The following CNGB1 variants were observed in gnomAD, a reference collection of about 807,000 sequenced individuals.
CNGB1 encodes cyclic nucleotide-gated channel beta-1.
Under a neutral mutation model 151.7 loss-of-function variants are expected in CNGB1, and 126 were observed. The observed-to-expected ratio is 0.83, with a 90% CI of 0.72 to 0.96. The LOEUF (loss-of-function observed/expected upper bound fraction) is 0.96, where lower values mean the gene tolerates loss of function less well. CNGB1 is among the 40% of genes least tolerant of loss of function. The probability of loss-of-function intolerance (pLI) is 0.00; values close to 1 mark genes in which losing one functional copy is unlikely to be tolerated. For missense variants in CNGB1, 1,698 were observed against 1,627.0 expected (o/e 1.04, Z -0.75); for synonymous variants, 623 against 635.1 (o/e 0.98, Z 0.29).
chr16:57,917,162 A>T, intron 21 of CNGB1, 106 bp downstream of exon 21: 1 of 923,822 alleles, frequency 1.1e-6, no homozygotes, highest in Non-Finnish European at 1.7e-6. Flanking sequence ...AGATTTCCTT[A>T]TTCACTTATT....
At chr16:57,908,363 A>G (rs1431646078) in intron 25 of CNGB1, among the ~76,000 whole-genome samples, 1 of 152,214 alleles carries the variant, frequency 6.6e-6, no homozygotes, top group Non-Finnish European at 1.5e-5. Flanking sequence ...ACCTGTTCCC[A>G]CTGGGAGCAA....
Position 57,923,229 on chromosome 16 carries a change from T to TC in CNGB1, c.1643+43dup, listed in dbSNP as rs3214568. On this transcript the variant is annotated intron_variant, in intron 18 of 32. Transcript: ENST00000251102. ...ACTAGCCCCCCCACATCCCCCACCC[T>TC]CCCCGCAGTCTTTCAATTTTCTGAG... The TC allele has an allele frequency of 8.0e-3, 7,924 of 995,204 alleles. 167 individuals are homozygous for TC. The highest frequency in any genetic ancestry group is 0.052 in the East Asian group (1,629 of 31,096). The allele number at this position is 995,204 out of a possible 1,614,324, so 61.6% of individuals were successfully genotyped here.
intron 30 of CNGB1, 61 bp downstream of exon 30, chr16:57,897,735 T>C: frequency 6.3e-7 from 1 of 1,578,056 alleles, no homozygotes; most frequent in Non-Finnish European, 8.7e-7. Flanking sequence ...CACTGCCCGC[T>C]GGCCGCCTTC....
At chr16:57,892,072 C>CAAAA (rs34104252) in intron 31 of CNGB1, among the ~76,000 whole-genome samples, 5 of 96,304 alleles carry the variant, frequency 5.2e-5, no homozygotes, top group Admixed American at 1.1e-4. Context: ...CACAAAAATG[C>CAAAA]AAAAAAAAAA....
chr16:57,913,129 G>T, intron 23 of CNGB1, 135 bp from the exon 24 acceptor site: 1 of 757,616 alleles, frequency 1.3e-6, no homozygotes. Context: ...TTCAATATCA[G>T]AAGTCCTCAG....
At chr16:57,906,184 G>A (rs76795140) in intron 25 of CNGB1, among the ~76,000 whole-genome samples, 3,202 of 152,296 alleles carry the variant, frequency 0.021, 120 homozygotes, top group African/African-American at 0.073. Context: ...CCTTCTGGCT[G>A]CATAACTTGG....
chr16:57,885,580 T>TCTCTCTCTCTCTCTCTCTCTC (rs746385217), intron 32 of CNGB1, among the ~76,000 whole-genome samples: 42 of 56,958 alleles, frequency 7.4e-4, no homozygotes, highest in South Asian at 4.2e-3. Flanking sequence ...CTCTCTCTCT[T>TCTCTCTCTCTCTCTCTCTCTC]TCTTTCTTTC....
At chr16:57,939,362 G>C in intron 16 of CNGB1, 68 bp downstream of exon 16, 1 of 1,607,916 alleles carries the variant, frequency 6.2e-7, no homozygotes, top group Non-Finnish European at 8.5e-7. Context: ...CCTGCACGAA[G>C]GCTGCCTCCA....
At chr16:57,913,670 A>G (rs1444461643) in intron 23 of CNGB1, among the ~76,000 whole-genome samples, 3 of 152,124 alleles carry the variant, frequency 2.0e-5, no homozygotes, top group African/African-American at 2.4e-5. Context: ...TTGTAGAGAC[A>G]GAGTCTCACT....
At position 57,920,405 on chromosome 16, in the gene CNGB1, C is replaced by T. The variant is rs758389935; in HGVS notation, c.1783G>A (p.Glu595Lys). 3 of 1,614,208 alleles carry T rather than the reference C, an allele frequency of 1.9e-6. No individual in the cohort carries two copies. The highest frequency in any genetic ancestry group is 2.5e-6 in the Non-Finnish European group (3 of 1,180,036). ...GACTCACAGGGCTTGGGGCTCTCCT[C>T]ATCAGAGGTGACGTCAGGGTCAATG... is the stretch of plus-strand genomic sequence containing the variant. ...KLIDPDVTSD[E>K]ESPKPSPAKK... Residue 595 changes from glutamate to lysine, a missense_variant, in exon 19 of 33, where the codon GAG becomes AAG. Coordinates refer to ENST00000251102, the MANE Select transcript of CNGB1 (RefSeq NM_001297.5).
Position 57,883,741 on chromosome 16 carries a change from A to G in CNGB1, c.*423T>C. On this transcript the variant is annotated 3_prime_UTR_variant, in exon 33 of 33. Transcript: ENST00000251102. ...GCAGTGAAGTATTTTCTATCCTTGA[A>G]ATGTGTTAGACAAATTCCTGAGGGG... The G allele has an allele frequency of 4.1e-6, 1 of 244,172 alleles. No individual in the cohort carries two copies. The highest frequency in any genetic ancestry group is 5.0e-5 in the South Asian group (1 of 20,200). 15.1% of individuals were successfully genotyped at this position (244,172 alleles called of 1,614,324 possible). A position where few individuals can be genotyped will look rare whatever the true frequency, so the allele number is the denominator to read the frequency against.
At chr16:57,899,250 C>T (rs569258405) in intron 29 of CNGB1, among the ~76,000 whole-genome samples, 1 of 152,198 alleles carries the variant, frequency 6.6e-6, no homozygotes, top group African/African-American at 2.4e-5. Context: ...AATCCTCATG[C>T]CTTCACCGGC....
chr16:57,965,155 G>A (rs1962359445), intron 2 of CNGB1, among the ~76,000 whole-genome samples: 1 of 152,146 alleles, frequency 6.6e-6, no homozygotes, highest in African/African-American at 2.4e-5. Flanking sequence ...TACATGAACA[G>A]ACATACAATG....
chr16:57,923,868 T>C (rs1190817436), intron 17 of CNGB1, among the ~76,000 whole-genome samples: 2 of 152,202 alleles, frequency 1.3e-5, no homozygotes, highest in Non-Finnish European at 2.9e-5. Context: ...AGAGAAGCCA[T>C]GGAATCCAGT....
intron 1 of CNGB1, among the ~76,000 whole-genome samples, chr16:57,967,650 G>A (rs942604462): frequency 3.9e-5 from 6 of 152,042 alleles, no homozygotes; most frequent in Non-Finnish European, 8.8e-5. Flanking sequence ...GGGTCATGAT[G>A]CACCACTGTA....
rs1959794301 is a variant in CNGB1 at position 57,882,830 on chromosome 16, A to G, written c.*1334T>C. ...TTTTTTTTGTCTGAATCATAAAAGC[A>G]ACATGACACGATCTGGAAAGCTTTA... On this transcript the variant is annotated 3_prime_UTR_variant, in exon 33 of 33. Coordinates refer to ENST00000251102, the MANE Select transcript of CNGB1 (RefSeq NM_001297.5). 6.7e-6 allele frequency: 1 copy of G among 150,102 alleles called. No individual in the cohort carries two copies. The allele number at this position is 150,102 out of a possible 1,614,324, so 9.3% of individuals were successfully genotyped here.
intron 7 of CNGB1, among the ~76,000 whole-genome samples, chr16:57,961,127 T>C (rs1469531238): frequency 9.9e-5 from 15 of 152,228 alleles, no homozygotes; most frequent in Non-Finnish European, 1.8e-4. Flanking sequence ...GACCAGGCTC[T>C]GGAACCACAG....
chr16:57,882,792 C>CTTTTTTTTTTTTTTTT lies in CNGB1; in HGVS notation c.*1371_*1372insAAAAAAAAAAAAAAAA, dbSNP rs1959792166. 1.5e-5 allele frequency: 2 copies of CTTTTTTTTTTTTTTTT among 136,974 alleles called. No individual in the cohort carries two copies. Among genetic ancestry groups the CTTTTTTTTTTTTTTTT allele is most frequent in the Non-Finnish European group, 3.2e-5 (2 of 63,416 alleles). The allele number at this position is 136,974 out of a possible 1,614,324, so 8.5% of individuals were successfully genotyped here. A position where few individuals can be genotyped will look rare whatever the true frequency, so the allele number is the denominator to read the frequency against. ...GAATGACCCTTTTTTCTTTTTTTTTCTTTTTTCTTTTTTTTTTTTTGTCTG... is the reference window on the plus strand; with the variant it reads ...GAATGACCCTTTTTTCTTTTTTTTTCTTTTTTTTTTTTTTTTTTTTTTCTTTTTTTTTTTTTGTCTG... On this transcript the variant is annotated 3_prime_UTR_variant, in exon 33 of 33. Coordinates refer to ENST00000251102, the MANE Select transcript of CNGB1 (RefSeq NM_001297.5).
chr16:57,908,842 G>C (rs982205296), intron 25 of CNGB1, among the ~76,000 whole-genome samples: 2 of 152,206 alleles, frequency 1.3e-5, no homozygotes, highest in Non-Finnish European at 2.9e-5. Context: ...TGACACAGCA[G>C]GGCCCCTTGC....
Sources: gnomAD v4.1 joint callset for allele counts (sites outside exome capture counted in the v4.1 genomes callset) on GRCh38, gnomAD v4.1.1 for gene constraint, MANE v1.5 for transcripts, NCBI Gene and HGNC (gene_info 2026-07-23, HGNC 2026-07-21) for gene names.